The following SEC63 variants were observed in gnomAD, a reference collection of about 807,000 sequenced individuals.
SEC63 encodes the protein translocation protein SEC63 homolog.
Under a neutral mutation model 116.2 loss-of-function variants are expected in SEC63, and 56 were observed. The ratio of observed to expected loss-of-function variants is 0.48; its 90% CI spans 0.39 to 0.60. The LOEUF (loss-of-function observed/expected upper bound fraction) is 0.60, where lower values mean the gene tolerates loss of function less well. Ranked by LOEUF, SEC63 falls within the 20% of genes least tolerant of loss-of-function variation. SEC63 has a pLI of 0.00. For missense variants in SEC63, 668 were observed against 900.0 expected (o/e 0.74, Z 3.30); for synonymous variants, 273 against 294.6 (o/e 0.93, Z 0.75).
At position 107,940,578 on chromosome 6, in the gene SEC63, TC is replaced by T. The variant is rs530316236; in HGVS notation, c.125-11065del. ...AAAAATCTTCAGAAATTCACAAATG[TC>T]CTCTGGGACACAAAATTGCCCCTGA... On this transcript the variant is annotated intron_variant, in intron 1 of 20. Coordinates refer to ENST00000369002, the MANE Select transcript of SEC63 (RefSeq NM_007214.5). Among the ~76,000 whole-genome samples the T allele has an allele frequency of 1.1e-3, 173 of 151,688 alleles. 2 individuals are homozygous for T. Among genetic ancestry groups the T allele is most frequent in the African/African-American group, 4.0e-3 (167 of 41,390 alleles).
chr6:107,933,221 C>A (rs1475531776), intron 1 of SEC63, among the ~76,000 whole-genome samples: 1 of 152,132 alleles, frequency 6.6e-6, no homozygotes, highest in African/African-American at 2.4e-5. Context: ...ACAGATTCTA[C>A]CCTAGAGCCT....
At chr6:107,881,884 C>T (rs1262257214) in intron 17 of SEC63, among the ~76,000 whole-genome samples, 1 of 152,138 alleles carries the variant, frequency 6.6e-6, no homozygotes, top group Non-Finnish European at 1.5e-5. Flanking sequence ...TGGGATGTGA[C>T]AGGTAATAAA....
At chr6:107,935,786 T>C (rs1360657754) in intron 1 of SEC63, among the ~76,000 whole-genome samples, 1 of 148,454 alleles carries the variant, frequency 6.7e-6, no homozygotes, top group Admixed American at 6.7e-5. Flanking sequence ...GAATGATCAA[T>C]TAAAAAAAAT....
At chr6:107,934,612 G>A (rs1488958836) in intron 1 of SEC63, among the ~76,000 whole-genome samples, 6 of 147,618 alleles carry the variant, frequency 4.1e-5, no homozygotes, top group African/African-American at 5.0e-5. Flanking sequence ...CACCCCGTCC[G>A]GGAGGGAGGT....
At chr6:107,876,484 T>C in intron 19 of SEC63, 80 bp downstream of exon 19, 1 of 895,044 alleles carries the variant, frequency 1.1e-6, no homozygotes, top group South Asian at 1.3e-5. Flanking sequence ...ATAAACTTTT[T>C]AAAAAAAAGA....
chr6:107,924,676 G>A (rs1326990988), intron 3 of SEC63, 142 bp downstream of exon 3: 4 of 623,614 alleles, frequency 6.4e-6, no homozygotes, highest in South Asian at 1.9e-5. Context: ...TATAATAACA[G>A]AGGATTAGAC....
chr6:107,909,548 T>C (rs546550535), intron 7 of SEC63, among the ~76,000 whole-genome samples: 60 of 152,288 alleles, frequency 3.9e-4, no homozygotes, highest in Admixed American at 7.2e-4. Context: ...ATTTATACTG[T>C]CTGAAGCCTA....
chr6:107,906,540 T>C lies in SEC63; in HGVS notation c.869A>G (p.Glu290Gly). The C allele has an allele frequency of 6.2e-7, 1 of 1,613,342 alleles. No individual in the cohort carries two copies. The highest frequency in any genetic ancestry group is 8.5e-7 in the Non-Finnish European group (1 of 1,179,304). ...EIGSINLKKNEPPLTCPYSLK... is the reference protein window; with the variant it reads ...EIGSINLKKNGPPLTCPYSLK... Reference sequence around the variant, plus strand: ...GCTATATGGGCAGGTAAGTGGAGGCTCATTCTTCTTTAAATTAATGCTGCC... The same window carrying C: ...GCTATATGGGCAGGTAAGTGGAGGCCCATTCTTCTTTAAATTAATGCTGCC... Residue 290 changes from glutamate (E) to glycine (G), a missense_variant, in exon 10 of 21, where the codon GAG (glutamate) becomes GGG (glycine). By Grantham distance (98) the Glu-to-Gly change is moderately conservative. Coordinates refer to ENST00000369002, the MANE Select transcript of SEC63 (RefSeq NM_007214.5).
intron 1 of SEC63, among the ~76,000 whole-genome samples, chr6:107,937,731 A>G (rs1405621261): frequency 1.3e-5 from 2 of 152,076 alleles, no homozygotes; most frequent in Non-Finnish European, 2.9e-5. Flanking sequence ...TATAATAGCC[A>G]TTCTGACTGG....
intron 19 of SEC63, 55 bp from the exon 20 acceptor site, chr6:107,872,967 C>G: frequency 8.7e-7 from 1 of 1,150,718 alleles, no homozygotes; most frequent in Non-Finnish European, 1.3e-6. Context: ...AAACAGCTCA[C>G]TCCCTAAAAT....
rs1220152112 is a variant in SEC63, at chr6:107,868,216, T to C, written c.*3488A>G. On this transcript the variant is annotated 3_prime_UTR_variant, in exon 21 of 21. Coordinates refer to ENST00000369002, the MANE Select transcript of SEC63 (RefSeq NM_007214.5). ...TAAATCAGACCGTTTGTGGGAAAATTGTTTCTTAAAAAAAAAAAAACATTT... is the reference window on the plus strand; with the variant it reads ...TAAATCAGACCGTTTGTGGGAAAATCGTTTCTTAAAAAAAAAAAAACATTT... The C allele has an allele frequency of 1.7e-5, 1 of 60,474 alleles. No individual in the cohort carries two copies. Among genetic ancestry groups the C allele is most frequent in the East Asian group, 3.1e-4 (1 of 3,188 alleles). The allele number at this position is 60,474 out of a possible 1,614,324, so 3.7% of individuals were successfully genotyped here. A position where few individuals can be genotyped will look rare whatever the true frequency, so the allele number is the denominator to read the frequency against.
chr6:107,882,117 T>C (rs572234765), intron 17 of SEC63, among the ~76,000 whole-genome samples: 40 of 152,312 alleles, frequency 2.6e-4, no homozygotes, highest in Middle Eastern at 3.4e-3. Flanking sequence ...ATGCTAACAA[T>C]AGACATCTTT....
At chr6:107,875,574 G>A (rs912856786) in intron 19 of SEC63, among the ~76,000 whole-genome samples, 1 of 151,964 alleles carries the variant, frequency 6.6e-6, no homozygotes, top group Non-Finnish European at 1.5e-5. Flanking sequence ...AATTTTTACG[G>A]GGTGCACGTA....
At chr6:107,946,402 C>T (rs1770481767) in intron 1 of SEC63, among the ~76,000 whole-genome samples, 1 of 151,768 alleles carries the variant, frequency 6.6e-6, no homozygotes, top group Admixed American at 6.6e-5. Context: ...CGGAGTTTCA[C>T]CATGTTGGCC....
intron 19 of SEC63, among the ~76,000 whole-genome samples, chr6:107,874,848 G>A (rs895493932): frequency 5.9e-5 from 9 of 151,912 alleles, no homozygotes; most frequent in African/African-American, 1.9e-4. Flanking sequence ...CAGCTACAAT[G>A]TGTGATCCTT....
chr6:107,913,514 A>G (rs532481588), intron 4 of SEC63, 87 bp from the exon 5 acceptor site: 270 of 910,738 alleles, frequency 3.0e-4, no homozygotes, highest in Non-Finnish European at 4.2e-4. Flanking sequence ...TAGCCAACCA[A>G]CTCATTTCTT....
intron 4 of SEC63, among the ~76,000 whole-genome samples, chr6:107,915,684 GGA>G (rs1179190149): frequency 1.3e-5 from 2 of 151,942 alleles, no homozygotes; most frequent in Admixed American, 6.6e-5. Flanking sequence ...AGGCAACTAA[GGA>G]GAGAAAAATG....
intron 16 of SEC63, among the ~76,000 whole-genome samples, chr6:107,885,023 C>T (rs1008803893): frequency 1.3e-5 from 2 of 151,670 alleles, no homozygotes; most frequent in Non-Finnish European, 2.9e-5. Context: ...CTTAACCGGA[C>T]AAAGAATAGC....
intron 1 of SEC63, among the ~76,000 whole-genome samples, chr6:107,946,841 T>C (rs1189113943): frequency 2.0e-5 from 3 of 152,014 alleles, no homozygotes; most frequent in Admixed American, 6.6e-5. Context: ...CCGTCTCTAC[T>C]AAAAATACAA....
Sources: allele counts gnomAD v4.1 joint callset (sites outside exome capture counted in the v4.1 genomes callset), GRCh38; gene constraint gnomAD v4.1.1; transcripts MANE v1.5; gene names NCBI Gene and HGNC (gene_info 2026-07-23, HGNC 2026-07-21).